The following PTPRU variants were observed in gnomAD, a reference collection of about 807,000 sequenced individuals.
The protein encoded by PTPRU is protein tyrosine phosphatase receptor type U.
In PTPRU, 69 loss-of-function variants were observed where a neutral mutation model predicts 166.3. The ratio of observed to expected loss-of-function variants is 0.41; its 90% CI spans 0.34 to 0.51. PTPRU has a LOEUF of 0.51. Ranked by LOEUF, PTPRU falls within the 20% of genes least tolerant of loss-of-function variation. PTPRU has a pLI of 0.09. For synonymous variants in PTPRU, 793 were observed against 814.0 expected, an observed-to-expected ratio of 0.97 and a Z score of 0.44; for missense variants, 1,657 against 2,013.7, an observed-to-expected ratio of 0.82 and a Z score of 3.39.
rs181309528 is a variant in PTPRU, at chr1:29,272,761, G to T, written c.1145-2687G>T. ...GTCTCTACAAAAAATACAAAAATTA[G>T]CTGGGCTTGGTGGTACGCACCTGTA... On this transcript the variant is annotated intron_variant, in intron 7 of 29. Transcript: ENST00000373779. Among the ~76,000 whole-genome samples, 32 of 152,014 alleles carry T rather than the reference G, an allele frequency of 2.1e-4. No individual in the cohort carries two copies. The East Asian group carries it at 6.2e-3, about 29-fold the overall frequency.
intron 18 of PTPRU, among the ~76,000 whole-genome samples, chr1:29,306,031 A>G (rs1687374298): frequency 6.6e-6 from 1 of 152,248 alleles, no homozygotes; most frequent in Non-Finnish European, 1.5e-5. Context: ...ACCGGGGCTC[A>G]GAGACGTGGA....
chr1:29,294,081 G>A (rs914169120), intron 15 of PTPRU, among the ~76,000 whole-genome samples: 1 of 152,218 alleles, frequency 6.6e-6, no homozygotes, highest in Non-Finnish European at 1.5e-5. Flanking sequence ...AGATGCACCT[G>A]CACACAAGGT....
chr1:29,307,272 T>C (rs376180259), intron 18 of PTPRU: 19 of 1,291,186 alleles, frequency 1.5e-5, no homozygotes, highest in Admixed American at 1.1e-4. Context: ...TTTCTACTTA[T>C]GTGCCCAGCA....
At chr1:29,306,112 C>CTTT (rs901690359) in intron 18 of PTPRU, among the ~76,000 whole-genome samples, 2 of 152,206 alleles carry the variant, frequency 1.3e-5, no homozygotes, top group African/African-American at 4.8e-5. Flanking sequence ...GTCTGTGTCT[C>CTTT]TAAAGCCTTT....
At position 29,315,966 on chromosome 1, in the gene PTPRU, G is replaced by T. The variant is rs773228430; in HGVS notation, c.3364-36G>T. The T allele has an allele frequency of 3.1e-6, 5 of 1,610,436 alleles. No homozygotes were observed. The highest frequency in any genetic ancestry group is 3.4e-6 in the Non-Finnish European group (4 of 1,177,754). ...ATCACCACAGATCTCCAGCTTCTAG[G>T]CCCCTCCTCGGCCTCATTCTCATCT... is the stretch of plus-strand genomic sequence containing the variant. On this transcript the variant is annotated intron_variant, in intron 23 of 29. Transcript: ENST00000373779. This position sits in a 1 kb window ranked among gnomAD's most constrained non-coding sequence, Gnocchi z 4.5.
At chr1:29,266,521 G>A (rs1451589818) in intron 7 of PTPRU, among the ~76,000 whole-genome samples, 1 of 152,166 alleles carries the variant, frequency 6.6e-6, no homozygotes, top group African/African-American at 2.4e-5. Context: ...GTCACACTTT[G>A]GGAGACCCTT....
chr1:29,315,441 C>T lies in PTPRU; in HGVS notation c.3297C>T (p.Gly1099=), dbSNP rs34589663. 1.5e-3 allele frequency: 2,439 copies of T among 1,614,202 alleles called. 25 individuals carry two copies. The African/African-American group carries it at 0.026, about 17-fold the overall frequency. ...DVMLDMAECE[G]VVDIYNCVKT... ...TGCTGGACATGGCAGAGTGTGAGGGCGTCGTGGACATTTACAACTGTGTGA... is the reference window on the plus strand; with the variant it reads ...TGCTGGACATGGCAGAGTGTGAGGGTGTCGTGGACATTTACAACTGTGTGA... The change falls in exon 23 of 30, where the codon GGC becomes GGT. Residue 1099 remains glycine (G), a synonymous_variant. Coordinates refer to ENST00000373779, the MANE Select transcript of PTPRU (RefSeq NM_133178.4). The surrounding 1 kb of genome is among the most constrained non-coding windows in gnomAD (Gnocchi z 4.5).
intron 1 of PTPRU, among the ~76,000 whole-genome samples, chr1:29,244,732 G>A (rs1427629315): frequency 6.6e-6 from 1 of 152,132 alleles, no homozygotes; most frequent in Non-Finnish European, 1.5e-5. Flanking sequence ...GTTCTCATTT[G>A]TGGAATGGGG....
At position 29,325,252 on chromosome 1, in the gene PTPRU, T is replaced by C. The variant is rs778674703; in HGVS notation, c.4174T>C (p.Cys1392Arg). 2 of 1,614,214 alleles carry C rather than the reference T, an allele frequency of 1.2e-6. No homozygotes were observed. Among genetic ancestry groups the C allele is most frequent in the Middle Eastern group, 1.6e-4 (1 of 6,062 alleles). ...ACATVLEMIR[C>R]HNLVDVFFAA... is the part of the protein sequence containing the mutation. ...CGCCACGGTCCTGGAGATGATCCGC[T>C]GCCACAACTTGGTGGACGTTTTCTT... The change falls in exon 29 of 30, where the codon TGC (cysteine) becomes CGC (arginine). Residue 1392 changes from cysteine (C) to arginine (R), a missense_variant. By Grantham distance (180) the Cys-to-Arg change is radical (BLOSUM62 -3). Transcript: ENST00000373779.
chr1:29,303,821 T>G (rs781301199), intron 15 of PTPRU, 34 bp from the exon 16 acceptor site: 1 of 1,563,354 alleles, frequency 6.4e-7, no homozygotes, highest in South Asian at 1.1e-5. Context: ...GGGGCATGTG[T>G]GTCAAGAACC....
In PTPRU at chr1:29,315,599, G is replaced by T; in HGVS notation, c.3363+92G>T. 1 of 1,541,766 alleles carries T rather than the reference G, an allele frequency of 6.5e-7. No individual in the cohort carries two copies. The highest frequency in any genetic ancestry group is 8.9e-7 in the Non-Finnish European group (1 of 1,126,396). On this transcript the variant is annotated intron_variant, in intron 23 of 29. Transcript: ENST00000373779. This position sits in a 1 kb window ranked among gnomAD's most constrained non-coding sequence, Gnocchi z 4.5. ...TGGAGCCGGCAGAGCATGCCCAAAG[G>T]GTGTCCTGAGGCTCTTGCCTTCCCT...
Position 29,260,972 on chromosome 1 carries a change from A to G in PTPRU, c.1144+69A>G. ...AGGGCTATGGAGGGGCGCATTCGAG[A>G]GGTAGCGTGGCCTGTGCTTGTAAAC... On this transcript the variant is annotated intron_variant, in intron 7 of 29. Coordinates refer to ENST00000373779, the MANE Select transcript of PTPRU (RefSeq NM_133178.4). This position sits in a 1 kb window ranked among gnomAD's most constrained non-coding sequence, Gnocchi z 8.3. 2 of 1,440,896 alleles carry G rather than the reference A, an allele frequency of 1.4e-6. No homozygotes were observed. Among genetic ancestry groups the G allele is most frequent in the Non-Finnish European group, 1.8e-6 (2 of 1,098,638 alleles). 89.3% of individuals were successfully genotyped at this position (1,440,896 alleles called of 1,614,324 possible).
At chr1:29,304,404 A>C (rs925598977) in intron 16 of PTPRU, among the ~76,000 whole-genome samples, 1 of 151,704 alleles carries the variant, frequency 6.6e-6, no homozygotes, top group African/African-American at 2.4e-5. Context: ...CTCCATTTGA[A>C]CTCTGGATCT....
In PTPRU at chr1:29,311,995, C is replaced by T. The variant is rs1033990596; in HGVS notation, c.3072+236C>T. Among the ~76,000 whole-genome samples, 1 of 152,226 alleles carries T rather than the reference C, an allele frequency of 6.6e-6. No individual in the cohort carries two copies. The highest frequency in any genetic ancestry group is 2.4e-5 in the African/African-American group (1 of 41,454). ...CAATGAAGGGGGTGACAGTATCTGCCAGGTGCTGGCTCCTACTCTGTGCTG... is the reference window on the plus strand; with the variant it reads ...CAATGAAGGGGGTGACAGTATCTGCTAGGTGCTGGCTCCTACTCTGTGCTG... On this transcript the variant is annotated intron_variant, in intron 21 of 29. Coordinates refer to ENST00000373779, the MANE Select transcript of PTPRU (RefSeq NM_133178.4). This position sits in a 1 kb window ranked among gnomAD's most constrained non-coding sequence, Gnocchi z 4.1.
chr1:29,266,868 A>G (rs182698430), intron 7 of PTPRU, among the ~76,000 whole-genome samples: 13 of 152,132 alleles, frequency 8.5e-5, no homozygotes, highest in Non-Finnish European at 1.9e-4. Flanking sequence ...TGAACATCAC[A>G]GGTTTGAATT....
chr1:29,281,840 C>T (rs1450105647), intron 11 of PTPRU, among the ~76,000 whole-genome samples: 10 of 152,174 alleles, frequency 6.6e-5, no homozygotes, highest in South Asian at 2.1e-4. Flanking sequence ...TATGGGATGT[C>T]ACACGCCAAG....
At chr1:29,239,187 C>G (rs1349750859) in intron 1 of PTPRU, among the ~76,000 whole-genome samples, 2 of 152,116 alleles carry the variant, frequency 1.3e-5, no homozygotes, top group African/African-American at 4.8e-5. Flanking sequence ...ACTCAGAAGC[C>G]CAAGTAGAAT....
At chr1:29,249,753 C>G (rs891175937) in intron 1 of PTPRU, among the ~76,000 whole-genome samples, 4 of 152,132 alleles carry the variant, frequency 2.6e-5, no homozygotes, top group African/African-American at 9.7e-5. Flanking sequence ...TCCCAAGATC[C>G]CTCTGGATCC....
In PTPRU at chr1:29,325,707, C is replaced by T. The variant is rs1459776659; in HGVS notation, c.*46C>T. 6.6e-7 allele frequency: 1 copy of T among 1,511,030 alleles called. No homozygotes were observed. Among genetic ancestry groups the T allele is most frequent in the Admixed American group, 1.8e-5 (1 of 54,608 alleles). 93.6% of individuals were successfully genotyped at this position (1,511,030 alleles called of 1,614,324 possible). On this transcript the variant is annotated 3_prime_UTR_variant, in exon 30 of 30. Coordinates refer to ENST00000373779, the MANE Select transcript of PTPRU (RefSeq NM_133178.4). ...CCCACTGCACACTCAGGGCCAGACC[C>T]ACCATCCTGGACTGGCGAGGAAGAT... is the stretch of plus-strand genomic sequence containing the variant.
Sources: gnomAD v4.1 joint callset for allele counts (sites outside exome capture counted in the v4.1 genomes callset) on GRCh38, gnomAD v4.1.1 for gene constraint, Gnocchi (gnomAD v3.1) non-coding constraint, MANE v1.5 for transcripts, NCBI Gene and HGNC (gene_info 2026-07-23, HGNC 2026-07-21) for gene names.